PPP2R3A: variants seen among roughly 807,000 people sequenced by gnomAD.
PPP2R3A encodes the protein serine/threonine-protein phosphatase 2A regulatory subunit B'' subunit alpha.
In PPP2R3A, 80 loss-of-function variants were observed where a neutral mutation model predicts 106.9. That is an observed-to-expected ratio of 0.75 (90% CI 0.62 to 0.90). PPP2R3A has a LOEUF of 0.90. Ranked by LOEUF, PPP2R3A falls within the 40% of genes least tolerant of loss-of-function variation. PPP2R3A has a pLI of 0.00. For missense variants in PPP2R3A, 1,386 were observed against 1,350.4 expected (o/e 1.03, Z -0.41); for synonymous variants, 483 against 468.3 (o/e 1.03, Z -0.41).
At chr3:135,979,490 C>A (rs1937510072) in intron 1 of PPP2R3A, among the ~76,000 whole-genome samples, 2 of 151,850 alleles carry the variant, frequency 1.3e-5, no homozygotes, top group Non-Finnish European at 2.9e-5. Flanking sequence ...TTCAGATTGG[C>A]CAGCCTGGAA....
At chr3:136,074,838 C>G (rs531863677) in intron 6 of PPP2R3A, among the ~76,000 whole-genome samples, 1 of 152,240 alleles carries the variant, frequency 6.6e-6, no homozygotes, top group East Asian at 1.9e-4. Flanking sequence ...AACTCTTCCC[C>G]CTTGAAAACT....
intron 2 of PPP2R3A, among the ~76,000 whole-genome samples, chr3:136,021,702 TATAAA>T (rs1934473165): frequency 1.3e-5 from 2 of 152,158 alleles, no homozygotes; most frequent in African/African-American, 4.8e-5. Context: ...GAAATCTAAA[TATAAA>T]ATGTGAGAAA....
chr3:136,097,677 G>A (rs961576774), intron 10 of PPP2R3A, among the ~76,000 whole-genome samples: 26 of 151,996 alleles, frequency 1.7e-4, no homozygotes. Context: ...TAAATCCTTG[G>A]TCAAAATCAA....
intron 6 of PPP2R3A, 33 bp downstream of exon 6, chr3:136,070,585 TCC>T (rs1936399578): frequency 7.8e-6 from 12 of 1,540,584 alleles, no homozygotes; most frequent in Non-Finnish European, 1.1e-5. Context: ...TTAATATAAC[TCC>T]ATAAGTCACC....
At chr3:136,057,463 G>A (rs2107879759) in intron 5 of PPP2R3A, among the ~76,000 whole-genome samples, 1 of 152,164 alleles carries the variant, frequency 6.6e-6, no homozygotes, top group Non-Finnish European at 1.5e-5. Flanking sequence ...AATGGATCTT[G>A]TGAAGATAGA....
intron 10 of PPP2R3A, among the ~76,000 whole-genome samples, chr3:136,101,336 G>T (rs191610804): frequency 1.3e-5 from 2 of 152,186 alleles, no homozygotes; most frequent in African/African-American, 2.4e-5. Flanking sequence ...TGAGAAGGGC[G>T]TGTAGGTAAA....
intron 1 of PPP2R3A, among the ~76,000 whole-genome samples, chr3:135,985,774 G>A (rs1331268490): frequency 6.6e-6 from 1 of 152,138 alleles, no homozygotes; most frequent in Non-Finnish European, 1.5e-5. Flanking sequence ...AGATCAGCAT[G>A]ATTAATGTTG....
At chr3:136,116,079 T>G (rs1383681222) in intron 13 of PPP2R3A, among the ~76,000 whole-genome samples, 1 of 152,076 alleles carries the variant, frequency 6.6e-6, no homozygotes, top group Non-Finnish European at 1.5e-5. Flanking sequence ...AAGAAGAAAG[T>G]GGGGACTGAT....
chr3:136,143,137 A>T (rs1441360285), intron 13 of PPP2R3A, among the ~76,000 whole-genome samples: 1 of 152,246 alleles, frequency 6.6e-6, no homozygotes. Context: ...AGTCATAGGG[A>T]ACAATTTTCT....
intron 5 of PPP2R3A, among the ~76,000 whole-genome samples, chr3:136,060,148 T>A (rs1440425549): frequency 6.6e-6 from 1 of 152,080 alleles, no homozygotes; most frequent in Non-Finnish European, 1.5e-5. Flanking sequence ...AAAAAGATAA[T>A]ACGGTATATA....
At chr3:136,065,023 AAG>A (rs1936217261) in intron 5 of PPP2R3A, among the ~76,000 whole-genome samples, 1 of 152,204 alleles carries the variant, frequency 6.6e-6, no homozygotes, top group Non-Finnish European at 1.5e-5. Flanking sequence ...TAAAAGGGAG[AAG>A]AGAGAATAAG....
At chr3:136,006,593 T>C (rs1933851971) in intron 2 of PPP2R3A, among the ~76,000 whole-genome samples, 1 of 152,184 alleles carries the variant, frequency 6.6e-6, no homozygotes, top group African/African-American at 2.4e-5. Context: ...AAACAGGCAG[T>C]GGGCCAGATT....
chr3:136,117,402 T>TA (rs1383031035), intron 13 of PPP2R3A, among the ~76,000 whole-genome samples: 2 of 151,992 alleles, frequency 1.3e-5, no homozygotes, highest in African/African-American at 4.8e-5. Flanking sequence ...CTGAAAGAGA[T>TA]AGAGACATGA....
chr3:135,972,443 TA>T (rs932951669), intron 1 of PPP2R3A, among the ~76,000 whole-genome samples: 4 of 152,262 alleles, frequency 2.6e-5, no homozygotes, highest in Non-Finnish European at 5.9e-5. Flanking sequence ...AGTTTTTGTT[TA>T]AATACCTGTT....
At chr3:135,988,517 G>C (rs537107610) in intron 1 of PPP2R3A, among the ~76,000 whole-genome samples, 2 of 152,078 alleles carry the variant, frequency 1.3e-5, no homozygotes, top group Non-Finnish European at 2.9e-5. Context: ...TTGTGAAGAA[G>C]AACATCAGGT....
In PPP2R3A at chr3:136,003,087, C is replaced by T. The variant is rs936720516; in HGVS notation, c.1589C>T (p.Pro530Leu). 3.7e-6 allele frequency: 6 copies of T among 1,610,698 alleles called. No individual in the cohort carries two copies. Among genetic ancestry groups the T allele is most frequent in the African/African-American group, 1.3e-5 (1 of 74,520 alleles). ...SQKMETSLRE[P>L]LAKGKNSNFL... The stretch of plus-strand genomic sequence containing the variant: ...AAGATGGAGACCTCTCTAAGAGAGC[C>T]ACTTGCGAAGGGTAAAAACTCTAAT... Residue 530 changes from proline to leucine, a missense_variant, in exon 2 of 14, where the codon CCA (proline) becomes CTA (leucine). By Grantham distance (98) the Pro-to-Leu change is moderately conservative (BLOSUM62 -3). Transcript: ENST00000264977.
intron 1 of PPP2R3A, among the ~76,000 whole-genome samples, chr3:135,984,179 C>A (rs931122412): frequency 6.6e-6 from 1 of 151,944 alleles, no homozygotes; most frequent in Admixed American, 6.6e-5. Flanking sequence ...AGTTCCTTCC[C>A]TAGAAGTTGA....
chr3:136,003,273 T>G lies in PPP2R3A; in HGVS notation c.1775T>G (p.Leu592Arg). 6.2e-7 allele frequency: 1 copy of G among 1,613,948 alleles called. No homozygotes were observed. Among genetic ancestry groups the G allele is most frequent in the African/African-American group, 1.3e-5 (1 of 75,022 alleles). ...GAGGAAGAGGATCGAGCCCTCTTAC[T>G]GCGAATCCTGGAAAGCATTGAAGAC... ...KIEEEDRALL[L>R]RILESIEDFA... Residue 592 changes from leucine (L) to arginine (R), a missense_variant, in exon 2 of 14, where the codon CTG becomes CGG. Coordinates refer to ENST00000264977, the MANE Select transcript of PPP2R3A (RefSeq NM_002718.5).
chr3:136,087,918 G>A lies in PPP2R3A; in HGVS notation c.2824G>A (p.Gly942Ser), dbSNP rs1314729957. The A allele has an allele frequency of 1.2e-6, 2 of 1,609,142 alleles. No homozygotes were observed. Among genetic ancestry groups the A allele is most frequent in the East Asian group, 4.5e-5 (2 of 44,722 alleles). Residue 942 changes from glycine to serine, a missense_variant, in exon 9 of 14, where the codon GGT becomes AGT. Physicochemically the swap from Gly to Ser is moderately conservative, Grantham distance 56. Coordinates refer to ENST00000264977, the MANE Select transcript of PPP2R3A (RefSeq NM_002718.5). ...SSRIIERIFSGAVTRGKTIQK... is the reference protein window; with the variant it reads ...SSRIIERIFSSAVTRGKTIQK... ...CAGGATTATTGAAAGGATATTCTCTGGTGCAGTAACAAGGTAAGAAAACGT... is the reference window on the plus strand; with the variant it reads ...CAGGATTATTGAAAGGATATTCTCTAGTGCAGTAACAAGGTAAGAAAACGT...
Sources: gnomAD v4.1 joint callset for allele counts (sites outside exome capture counted in the v4.1 genomes callset) on GRCh38, gnomAD v4.1.1 for gene constraint, MANE v1.5 for transcripts, NCBI Gene and HGNC (gene_info 2026-07-23, HGNC 2026-07-21) for gene names.